VASH2: variants seen among roughly 807,000 people sequenced by gnomAD.
VASH2 encodes the protein tubulinyl-Tyr carboxypeptidase 2.
In VASH2, 28 loss-of-function variants were observed where a neutral mutation model predicts 37.2. The ratio of observed to expected loss-of-function variants is 0.75; its 90% CI spans 0.56 to 1.03. The LOEUF is 1.03. Ranked by LOEUF, VASH2 falls within the 50% of genes least tolerant of loss-of-function variation. VASH2 has a pLI of 0.00. For synonymous variants in VASH2, 188 were observed against 174.7 expected (o/e 1.08, Z -0.60); for missense variants, 419 against 459.1 (o/e 0.91, Z 0.80).
intron 7 of VASH2, 119 bp from the exon 8 acceptor site, chr1:212,988,393 G>A: frequency 1.0e-6 from 1 of 989,618 alleles, no homozygotes; most frequent in South Asian, 1.4e-5. Context: ...GTGGGGGAAT[G>A]GGAGGATGAG....
intron 2 of VASH2, among the ~76,000 whole-genome samples, chr1:212,959,871 C>T (rs1666619094): frequency 1.3e-5 from 2 of 152,224 alleles, no homozygotes; most frequent in Non-Finnish European, 2.9e-5. Context: ...ATGGGCCTCA[C>T]CTGTCCTCAG....
At chr1:212,982,087 T>C (rs1364488573) in intron 7 of VASH2, among the ~76,000 whole-genome samples, 5 of 152,228 alleles carry the variant, frequency 3.3e-5, no homozygotes, top group Non-Finnish European at 7.3e-5. Flanking sequence ...CTCCCTAGCC[T>C]ACCTCCTGCT....
chr1:212,984,715 T>C (rs1667429532), intron 7 of VASH2, among the ~76,000 whole-genome samples: 1 of 152,212 alleles, frequency 6.6e-6, no homozygotes, highest in African/African-American at 2.4e-5. Flanking sequence ...ACAAGGACCA[T>C]GGAACAAGAC....
At chr1:212,988,467 G>A (rs2075819623) in intron 7 of VASH2, 45 bp from the exon 8 acceptor site, 1 of 1,594,988 alleles carries the variant, frequency 6.3e-7, no homozygotes, top group Non-Finnish European at 8.6e-7. Flanking sequence ...GTCTTTCTTT[G>A]CCCCATCCCC....
chr1:212,975,110 G>T (rs1032877664), intron 7 of VASH2, among the ~76,000 whole-genome samples: 1 of 152,206 alleles, frequency 6.6e-6, no homozygotes, highest in African/African-American at 2.4e-5. Flanking sequence ...CACAAAAAGG[G>T]CTTGTTATCT....
At position 212,990,944 on chromosome 1, in the gene VASH2, T is replaced by C. The variant is rs565563625; in HGVS notation, c.*2360T>C. On this transcript the variant is annotated 3_prime_UTR_variant, in exon 8 of 8. Coordinates refer to ENST00000517399, the MANE Select transcript of VASH2 (RefSeq NM_001301056.2). ...AAAACAAAACAAAAAACATGTTATA[T>C]GCACCCCCCTCCCAAAGCTGATTTT... 6.6e-6 allele frequency: 1 copy of C among 152,300 alleles called. No homozygotes were observed. Among genetic ancestry groups the C allele is most frequent in the South Asian group, 2.1e-4 (1 of 4,830 alleles). 9.4% of individuals were successfully genotyped at this position (152,300 alleles called of 1,614,324 possible).
At chr1:212,988,193 T>G (rs1276391304) in intron 7 of VASH2, among the ~76,000 whole-genome samples, 1 of 152,234 alleles carries the variant, frequency 6.6e-6, no homozygotes, top group Non-Finnish European at 1.5e-5. Context: ...TTTAGACCCT[T>G]GCAAGGTTCA....
chr1:212,961,049 C>T (rs1452289512), intron 2 of VASH2, 117 bp from the exon 3 acceptor site: 4 of 941,534 alleles, frequency 4.2e-6, no homozygotes, highest in Non-Finnish European at 1.7e-6. Flanking sequence ...GACCATGCTG[C>T]CATCGGCTCT....
chr1:212,966,019 C>T lies in VASH2; in HGVS notation c.422+241C>T, dbSNP rs554276974. ...GAGGAGGCTTGTAAACTCTGCCTCT[C>T]GAGGCTTCATTTATTTGTTCTATTG... On this transcript the variant is annotated intron_variant, in intron 4 of 7. Coordinates refer to ENST00000517399, the MANE Select transcript of VASH2 (RefSeq NM_001301056.2). The T allele has an allele frequency of 6.7e-4, 399 of 599,592 alleles. 1 individual carries two copies. The African/African-American group carries it at 6.9e-3, about 10-fold the overall frequency. The allele number at this position is 599,592 out of a possible 1,614,324, so 37.1% of individuals were successfully genotyped here. A position where few individuals can be genotyped will look rare whatever the true frequency, so the allele number is the denominator to read the frequency against.
chr1:212,970,780 C>T (rs1452235581), intron 5 of VASH2, among the ~76,000 whole-genome samples: 2 of 152,058 alleles, frequency 1.3e-5, no homozygotes, highest in African/African-American at 2.4e-5. Flanking sequence ...ATTCCAGCTA[C>T]TCAGGAGGCT....
In VASH2 at chr1:212,951,928, C is replaced by CTGT; in HGVS notation, c.276+111_276+112insGTT. Reference sequence around the variant, plus strand: ...GGCAATCTCCATTTTCCTAGTCCTGCTACAAACTCCCTTCCTCTCCCCATT... The same window carrying CTGT: ...GGCAATCTCCATTTTCCTAGTCCTGCTGTTACAAACTCCCTTCCTCTCCCCATT... On this transcript the variant is annotated intron_variant, in intron 2 of 7. Coordinates refer to ENST00000517399, the MANE Select transcript of VASH2 (RefSeq NM_001301056.2). The surrounding 1 kb of genome is among the most constrained non-coding windows in gnomAD (Gnocchi z 4.4). 1 of 1,274,150 alleles carries CTGT rather than the reference C, an allele frequency of 7.8e-7. No homozygotes were observed. Among genetic ancestry groups the CTGT allele is most frequent in the South Asian group, 1.5e-5 (1 of 68,154 alleles). The allele number at this position is 1,274,150 out of a possible 1,614,324, so 78.9% of individuals were successfully genotyped here.
intron 3 of VASH2, among the ~76,000 whole-genome samples, chr1:212,964,168 C>G (rs954169893): frequency 1.3e-4 from 20 of 152,208 alleles, no homozygotes; most frequent in African/African-American, 4.8e-4. Flanking sequence ...GGGTTATGCT[C>G]CATGGCCTGA....
In VASH2 at chr1:212,988,855, AT is replaced by A; in HGVS notation, c.*276del. Reference sequence around the variant, plus strand: ...AGGATAACCGTAACTGAAGTTTTATATTTTTCCATTTACCTACTTTCTTTTA... The same window carrying A: ...AGGATAACCGTAACTGAAGTTTTATATTTTCCATTTACCTACTTTCTTTTA... On this transcript the variant is annotated 3_prime_UTR_variant, in exon 8 of 8. Transcript: ENST00000517399. The A allele has an allele frequency of 2.5e-6, 1 of 392,708 alleles. No individual in the cohort carries two copies. The highest frequency in any genetic ancestry group is 4.8e-6 in the Non-Finnish European group (1 of 210,026). 24.3% of individuals were successfully genotyped at this position (392,708 alleles called of 1,614,324 possible). A position where few individuals can be genotyped will look rare whatever the true frequency, so the allele number is the denominator to read the frequency against.
chr1:212,987,746 A>T (rs1667524855), intron 7 of VASH2, among the ~76,000 whole-genome samples: 1 of 152,246 alleles, frequency 6.6e-6, no homozygotes. Context: ...GAAGAGGCTC[A>T]TTAAGAAATG....
Position 212,951,801 on chromosome 1 carries a change from G to T in VASH2, c.259G>T (p.Ala87Ser). The T allele has an allele frequency of 1.2e-6, 2 of 1,605,938 alleles. No individual in the cohort carries two copies. Among genetic ancestry groups the T allele is most frequent in the African/African-American group, 1.3e-5 (1 of 75,036 alleles). ...GGEMVGAIRNAAFLAKPSIPQ... is the reference protein window; with the variant it reads ...GGEMVGAIRNSAFLAKPSIPQ... ...AGAAATGGTGGGCGCCATCAGGAAC[G>T]CCGCCTTCTTGGCAAAGGTCAGTGG... The change falls in exon 2 of 8, where the codon GCC (alanine) becomes TCC (serine). Residue 87 changes from alanine to serine, a missense_variant. By Grantham distance (99) the Ala-to-Ser change is moderately conservative. Transcript: ENST00000517399. The surrounding 1 kb of genome is among the most constrained non-coding windows in gnomAD (Gnocchi z 4.4).
At chr1:212,961,922 C>A (rs1666691833) in intron 3 of VASH2, among the ~76,000 whole-genome samples, 1 of 152,192 alleles carries the variant, frequency 6.6e-6, no homozygotes, top group Non-Finnish European at 1.5e-5. Flanking sequence ...TTGCCTTCTT[C>A]CCTCCTACTC....
chr1:212,957,293 T>C (rs571990752), intron 2 of VASH2, among the ~76,000 whole-genome samples: 12 of 152,238 alleles, frequency 7.9e-5, no homozygotes, highest in Non-Finnish European at 1.6e-4. Context: ...CATCTGTCAA[T>C]GGACACTTGG....
At chr1:212,953,467 T>G (rs1431686590) in intron 2 of VASH2, among the ~76,000 whole-genome samples, 3 of 152,162 alleles carry the variant, frequency 2.0e-5, no homozygotes, top group African/African-American at 7.2e-5. Context: ...ATTTCATCAC[T>G]GATTGTTGTG....
chr1:212,972,790 C>G lies in VASH2; in HGVS notation c.708C>G (p.Tyr236Ter). 1 of 1,614,178 alleles carries G rather than the reference C, an allele frequency of 6.2e-7. No homozygotes were observed. The highest frequency in any genetic ancestry group is 8.5e-7 in the Non-Finnish European group (1 of 1,180,034). Residue 236 changes from tyrosine to a stop codon, truncating the protein, a stop_gained, in exon 6 of 8, where the codon TAC becomes TAG. Transcript: ENST00000517399. LOFTEE classifies it high-confidence loss of function. ...TCATCTTTGACTTTGAGGACTCTTACAAGAAATACCTGCACACAGTCAAGA... is the reference window on the plus strand; with the variant it reads ...TCATCTTTGACTTTGAGGACTCTTAGAAGAAATACCTGCACACAGTCAAGA... ...SDLIFDFEDS[Y>*]KKYLHTVKKV...
Sources: gnomAD v4.1 joint callset for allele counts (sites outside exome capture counted in the v4.1 genomes callset) on GRCh38, gnomAD v4.1.1 for gene constraint, Gnocchi (gnomAD v3.1) non-coding constraint, MANE v1.5 for transcripts, NCBI Gene and HGNC (gene_info 2026-07-23, HGNC 2026-07-21) for gene names.